The following ARAP1 variants were observed in gnomAD, a reference collection of about 807,000 sequenced individuals.
ARAP1 encodes ArfGAP with RhoGAP domain, ankyrin repeat and PH domain 1, also known as arf-GAP with Rho-GAP domain, ANK repeat and PH domain-containing protein 1.
In ARAP1, 76 loss-of-function variants were observed where a neutral mutation model predicts 172.2. The ratio of observed to expected loss-of-function variants is 0.44; its 90% CI spans 0.37 to 0.53. ARAP1 has a LOEUF of 0.53. Among genes scored for constraint, ARAP1 ranks in the 20% least tolerant of loss-of-function variants. The pLI is 0.00. For synonymous variants in ARAP1, 804 were observed against 803.3 expected, an observed-to-expected ratio of 1.00 and a Z score of -0.01; for missense variants, 1,686 against 1,977.5, an observed-to-expected ratio of 0.85 and a Z score of 2.80.
chr11:72,731,553 A>G (rs532014472), intron 2 of ARAP1, among the ~76,000 whole-genome samples: 6 of 152,354 alleles, frequency 3.9e-5, no homozygotes, highest in Admixed American at 1.3e-4. Context: ...CCATGCTTAT[A>G]CAGCCTGCAG....
intron 3 of ARAP1, among the ~76,000 whole-genome samples, chr11:72,716,098 G>A (rs374845214): frequency 2.0e-5 from 3 of 151,280 alleles, no homozygotes; most frequent in East Asian, 3.9e-4. Context: ...GCATGAACCC[G>A]GGAGGTGGAG....
rs973277650 is a variant in ARAP1 at position 72,688,204 on chromosome 11, C to T, written c.4070+251G>A. Among the ~76,000 whole-genome samples the T allele has an allele frequency of 3.3e-5, 5 of 152,122 alleles. No individual in the cohort carries two copies. The South Asian group carries it at 8.3e-4, about 25-fold the overall frequency. On this transcript the variant is annotated intron_variant, in intron 31 of 34. Transcript: ENST00000393609. ...CTCGCCATGTTGCCCAGGCTGGTTTCGAACTCCTGGGCTCAAGCAATCCAC... is the reference window on the plus strand; with the variant it reads ...CTCGCCATGTTGCCCAGGCTGGTTTTGAACTCCTGGGCTCAAGCAATCCAC...
chr11:72,687,415 C>T lies in ARAP1; in HGVS notation c.4185+24G>A, dbSNP rs374367789. On this transcript the variant is annotated intron_variant, in intron 33 of 34. Coordinates refer to ENST00000393609, the MANE Select transcript of ARAP1 (RefSeq NM_001040118.3). ...TGGAAGCCTCCAGGGACCCACCCCACACCCCACACTCTGCACCTGGTACCT... is the reference window on the plus strand; with the variant it reads ...TGGAAGCCTCCAGGGACCCACCCCATACCCCACACTCTGCACCTGGTACCT... The T allele has an allele frequency of 3.9e-5, 63 of 1,614,136 alleles. No individual in the cohort carries two copies. The African/African-American group carries it at 7.6e-4, about 19-fold the overall frequency.
chr11:72,703,415 G>GGGGGGGGGGGGGGCGGGC (rs71469439), intron 14 of ARAP1: 1 of 145,218 alleles, frequency 6.9e-6, no homozygotes, highest in African/African-American at 2.9e-5. Flanking sequence ...AGCCGGGGGG[G>GGGGGGGGGGGGGGCGGGC]GGGTGTGCTT....
At chr11:72,711,954 C>T (rs1341403747) in intron 7 of ARAP1, among the ~76,000 whole-genome samples, 1 of 152,194 alleles carries the variant, frequency 6.6e-6, no homozygotes, top group Non-Finnish European at 1.5e-5. Flanking sequence ...ATCTCAGTAT[C>T]TCAAGTGCAG....
intron 30 of ARAP1, 25 bp from the exon 31 acceptor site, chr11:72,688,562 G>A (rs2306609): frequency 0.53 from 839,609 of 1,596,886 alleles, 225,216 homozygotes; most frequent in Middle Eastern, 0.64. Context: ...GGAGAAGAGG[G>A]CACTTTAGTC....
intron 1 of ARAP1, among the ~76,000 whole-genome samples, chr11:72,740,352 T>C (rs1336504527): frequency 6.6e-6 from 1 of 152,226 alleles, no homozygotes; most frequent in Admixed American, 6.5e-5. Context: ...CAGTAGGCAT[T>C]GCTGACCCCA....
In ARAP1 at chr11:72,710,069, G is replaced by C; in HGVS notation, c.1417-93C>G. On this transcript the variant is annotated intron_variant, in intron 10 of 34. Transcript: ENST00000393609. This position sits in a 1 kb window ranked among gnomAD's most constrained non-coding sequence, Gnocchi z 4.3. Reference sequence around the variant, plus strand: ...GAGGAAGGGAAGGTGGTGCAACTCAGGGACTGGGGGGGGTGCCCAGGAGGG... The same window carrying C: ...GAGGAAGGGAAGGTGGTGCAACTCACGGACTGGGGGGGGTGCCCAGGAGGG... 2 of 1,152,084 alleles carry C rather than the reference G, an allele frequency of 1.7e-6. No homozygotes were observed. Among genetic ancestry groups the C allele is most frequent in the Non-Finnish European group, 2.6e-6 (2 of 769,328 alleles). 71.4% of individuals were successfully genotyped at this position (1,152,084 alleles called of 1,614,324 possible).
chr11:72,701,417 G>A (rs1489877410), intron 16 of ARAP1, among the ~76,000 whole-genome samples: 1 of 152,164 alleles, frequency 6.6e-6, no homozygotes, highest in Non-Finnish European at 1.5e-5. Context: ...CTCAATAAAG[G>A]CTCATTTAGT....
intron 1 of ARAP1, among the ~76,000 whole-genome samples, chr11:72,749,720 A>G (rs917307040): frequency 7.9e-5 from 12 of 152,056 alleles, no homozygotes; most frequent in Non-Finnish European, 1.2e-4. Flanking sequence ...CGTCTCTACT[A>G]AAAATACAAA....
intron 1 of ARAP1, among the ~76,000 whole-genome samples, chr11:72,750,529 C>G (rs1858502015): frequency 6.7e-6 from 1 of 149,992 alleles, no homozygotes; most frequent in South Asian, 2.2e-4. Flanking sequence ...CCTGGGTTCT[C>G]TCTTTCTTTC....
chr11:72,689,318 G>A (rs1431744791), intron 30 of ARAP1, among the ~76,000 whole-genome samples: 1 of 152,242 alleles, frequency 6.6e-6, no homozygotes, highest in East Asian at 1.9e-4. Flanking sequence ...GAAGAGGCTG[G>A]TTGGAGGTCA....
intron 14 of ARAP1, 188 bp downstream of exon 14, chr11:72,703,964 C>T (rs1856638115): frequency 5.7e-6 from 4 of 700,984 alleles, no homozygotes; most frequent in South Asian, 1.9e-5. Context: ...AGGCCTGGCT[C>T]CTCCCTGCAT....
At chr11:72,718,971 G>C (rs1318547633) in intron 3 of ARAP1, among the ~76,000 whole-genome samples, 1 of 152,202 alleles carries the variant, frequency 6.6e-6, no homozygotes, top group Non-Finnish European at 1.5e-5. Context: ...CATTTTCTGA[G>C]CACTTGACAT....
chr11:72,699,949 C>T lies in ARAP1; in HGVS notation c.2303-397G>A, dbSNP rs1856400273. ...ACACACACATCCCTACCCAGCACTC[C>T]CAGCTTTTGCAAACCTTGTCCCCTC... is the stretch of plus-strand genomic sequence containing the variant. On this transcript the variant is annotated intron_variant, in intron 16 of 34. Transcript: ENST00000393609. The surrounding 1 kb of genome is among the most constrained non-coding windows in gnomAD (Gnocchi z 4.2). 1 of 212,014 alleles carries T rather than the reference C, an allele frequency of 4.7e-6. No individual in the cohort carries two copies. The highest frequency in any genetic ancestry group is 1.3e-4 in the East Asian group (1 of 7,880). 13.1% of individuals were successfully genotyped at this position (212,014 alleles called of 1,614,324 possible).
At chr11:72,739,437 T>C (rs1858136397) in intron 1 of ARAP1, among the ~76,000 whole-genome samples, 1 of 151,956 alleles carries the variant, frequency 6.6e-6, no homozygotes, top group South Asian at 2.1e-4. Context: ...GCCGGGGGAA[T>C]GAAGAGCTGC....
Position 72,726,489 on chromosome 11 carries a change from C to A in ARAP1, c.509+131G>T. ...CCAGACAGCAATCCTGTCCTCCGAG[C>A]TTTGCACACGCTGTTCCCCCTGCAC... is the stretch of plus-strand genomic sequence containing the variant. On this transcript the variant is annotated intron_variant, in intron 3 of 34. Coordinates refer to ENST00000393609, the MANE Select transcript of ARAP1 (RefSeq NM_001040118.3). The surrounding 1 kb of genome is among the most constrained non-coding windows in gnomAD (Gnocchi z 6.5). The A allele has an allele frequency of 8.0e-7, 1 of 1,244,056 alleles. No homozygotes were observed. Among genetic ancestry groups the A allele is most frequent in the Non-Finnish European group, 1.1e-6 (1 of 924,826 alleles). 77.1% of individuals were successfully genotyped at this position (1,244,056 alleles called of 1,614,324 possible).
Position 72,697,014 on chromosome 11 carries a change from G to T in ARAP1, c.3135C>A (p.Arg1045=). The T allele has an allele frequency of 6.2e-7, 1 of 1,608,592 alleles. No homozygotes were observed. The highest frequency in any genetic ancestry group is 8.5e-7 in the Non-Finnish European group (1 of 1,179,878). ...CCTCCAGCCAGGTTAGGCGCTGGGC[G>T]CGAGTGAAGAGCCCATCAGGCAGGT... ...LRDLPDGLFT[R]AQRLTWLEAS... The change falls in exon 22 of 35, where the codon CGC becomes CGA. Residue 1045 remains arginine, a synonymous_variant. Transcript: ENST00000393609.
chr11:72,717,153 G>A, intron 3 of ARAP1, among the ~76,000 whole-genome samples: 1 of 152,202 alleles, frequency 6.6e-6, no homozygotes, highest in East Asian at 1.9e-4. Flanking sequence ...GAAGGCCCAA[G>A]AGCATGAGCT....
Sources: gnomAD v4.1 joint callset for allele counts (sites outside exome capture counted in the v4.1 genomes callset) on GRCh38, gnomAD v4.1.1 for gene constraint, Gnocchi (gnomAD v3.1) non-coding constraint, MANE v1.5 for transcripts, NCBI Gene and HGNC (gene_info 2026-07-23, HGNC 2026-07-21) for gene names.